The following TTC28 variants were observed in gnomAD, a reference collection of about 807,000 sequenced individuals.
The protein encoded by TTC28 is tetratricopeptide repeat protein 28.
In TTC28, 61 loss-of-function variants were observed where a neutral mutation model predicts 198.0. That is an observed-to-expected ratio of 0.31 (90% CI 0.25 to 0.38). The LOEUF (loss-of-function observed/expected upper bound fraction) is 0.38, where lower values mean the gene tolerates loss of function less well. Among genes scored for constraint, TTC28 ranks in the 10% least tolerant of loss-of-function variants. The probability of loss-of-function intolerance (pLI) is 1.00; values close to 1 mark genes in which losing one functional copy is unlikely to be tolerated. For synonymous variants in TTC28, 1,171 were observed against 1,297.8 expected, an observed-to-expected ratio of 0.90 and a Z score of 2.10; for missense variants, 2,678 against 3,164.0, an observed-to-expected ratio of 0.85 and a Z score of 3.69.
intron 12 of TTC28, among the ~76,000 whole-genome samples, chr22:28,089,215 G>A (rs980258445): frequency 7.2e-5 from 11 of 152,048 alleles, no homozygotes; most frequent in Non-Finnish European, 1.2e-4. Context: ...ACATGCACAC[G>A]TATGTTTACT....
chr22:28,486,138 G>C (rs1332458200), intron 2 of TTC28, among the ~76,000 whole-genome samples: 5 of 151,988 alleles, frequency 3.3e-5, no homozygotes, highest in Non-Finnish European at 5.9e-5. Flanking sequence ...CTTCCTGTGG[G>C]ATATTGTACA....
intron 1 of TTC28, among the ~76,000 whole-genome samples, chr22:28,634,871 T>C (rs1455461673): frequency 4.0e-5 from 6 of 151,528 alleles, no homozygotes; most frequent in Admixed American, 3.9e-4. Context: ...AGGCATGAGC[T>C]GCCACACCCG....
At chr22:28,065,478 G>C (rs1940714791) in intron 12 of TTC28, among the ~76,000 whole-genome samples, 1 of 152,124 alleles carries the variant, frequency 6.6e-6, no homozygotes, top group Non-Finnish European at 1.5e-5. Flanking sequence ...GGGCCAACAA[G>C]AGTTAGGCAT....
intron 1 of TTC28, among the ~76,000 whole-genome samples, chr22:28,663,230 A>G (rs1427438511): frequency 1.3e-5 from 2 of 150,940 alleles, no homozygotes; most frequent in Admixed American, 1.3e-4. Flanking sequence ...CCTGGGAGAC[A>G]GAGCGAAACT....
Position 27,998,906 on chromosome 22 carries a change from C to T in TTC28, c.4753G>A (p.Val1585Met), listed in dbSNP as rs1937600887. 4 of 1,550,534 alleles carry T rather than the reference C, an allele frequency of 2.6e-6. No homozygotes were observed. The highest frequency in any genetic ancestry group is 2.4e-5 in the East Asian group (1 of 40,926). Residue 1585 changes from valine (V) to methionine (M), a missense_variant, in exon 16 of 23, where the codon GTG becomes ATG. Physicochemically the swap from Val to Met is conservative, Grantham distance 21. Around this residue, in one of 8 missense-constraint regions of TTC28, gnomAD observed 727 missense variants for 861.9 expected, o/e 0.84. Transcript: ENST00000397906. ...HPYTIPESLR[V>M]QDDASDGESI... ...TCCCCATCACTGGCATCGTCCTGCA[C>T]CCGCAAGGACTCAGGGATCGTGTAG...
At chr22:28,440,039 C>A (rs2047593416) in intron 2 of TTC28, among the ~76,000 whole-genome samples, 1 of 152,188 alleles carries the variant, frequency 6.6e-6, no homozygotes, top group African/African-American at 2.4e-5. Flanking sequence ...TTTCACCATG[C>A]TGGCCAGGCC....
chr22:28,460,683 A>G (rs369647162), intron 2 of TTC28, among the ~76,000 whole-genome samples: 4 of 148,268 alleles, frequency 2.7e-5, no homozygotes, highest in East Asian at 3.9e-4. Context: ...AGACAGATAG[A>G]TAGGCAGGCA....
At chr22:28,181,134 G>A (rs945239106) in intron 5 of TTC28, among the ~76,000 whole-genome samples, 3 of 152,186 alleles carry the variant, frequency 2.0e-5, no homozygotes, top group Admixed American at 6.5e-5. Flanking sequence ...GACCAGAGGA[G>A]CTTTCATAAT....
intron 5 of TTC28, among the ~76,000 whole-genome samples, chr22:28,245,444 T>G (rs992199808): frequency 2.0e-5 from 3 of 152,122 alleles, no homozygotes; most frequent in African/African-American, 7.2e-5. Context: ...ATATTAATGA[T>G]TTTCCCAGTT....
At chr22:28,505,256 CAAAA>C (rs35503278) in intron 2 of TTC28, among the ~76,000 whole-genome samples, 2 of 75,390 alleles carry the variant, frequency 2.7e-5, no homozygotes, top group African/African-American at 5.1e-5. Context: ...GACTCCGTCT[CAAAA>C]AAAAAAAAAA....
chr22:28,458,633 G>A (rs936582851), intron 2 of TTC28, among the ~76,000 whole-genome samples: 15 of 152,134 alleles, frequency 9.9e-5, no homozygotes, highest in Non-Finnish European at 1.5e-5. Flanking sequence ...TGTAATCCCA[G>A]CACTTTGGGA....
intron 2 of TTC28, among the ~76,000 whole-genome samples, chr22:28,335,869 T>C (rs1427386538): frequency 2.6e-5 from 4 of 152,182 alleles, no homozygotes; most frequent in East Asian, 1.9e-4. Context: ...GAACTTCCAA[T>C]ACTATGTTGA....
chr22:28,443,927 T>C (rs2047663042), intron 2 of TTC28, among the ~76,000 whole-genome samples: 1 of 152,192 alleles, frequency 6.6e-6, no homozygotes. Flanking sequence ...AATCTTAATT[T>C]CTGATTTGAA....
rs559861994 is a variant in TTC28 at position 28,651,872 on chromosome 22, T to C, written c.103-22042A>G. Reference sequence around the variant, plus strand: ...TGTTTGTTTTGAAATGGAGTTTCACTCTTGTTGCCCAGACTGGAGTGCAAC... The same window carrying C: ...TGTTTGTTTTGAAATGGAGTTTCACCCTTGTTGCCCAGACTGGAGTGCAAC... On this transcript the variant is annotated intron_variant, in intron 1 of 22. Coordinates refer to ENST00000397906, the MANE Select transcript of TTC28 (RefSeq NM_001145418.2). Among the ~76,000 whole-genome samples, 7 of 152,194 alleles carry C rather than the reference T, an allele frequency of 4.6e-5. No homozygotes were observed. The East Asian group carries it at 1.4e-3, about 30-fold the overall frequency.
chr22:28,534,253 G>A (rs923306939), intron 2 of TTC28, among the ~76,000 whole-genome samples: 17 of 152,032 alleles, frequency 1.1e-4, no homozygotes, highest in Non-Finnish European at 2.2e-4. Flanking sequence ...GTGGGTGAAG[G>A]ATATGAACAG....
intron 6 of TTC28, among the ~76,000 whole-genome samples, chr22:28,155,415 T>C (rs1033524729): frequency 5.3e-5 from 8 of 152,236 alleles, no homozygotes; most frequent in African/African-American, 1.9e-4. Flanking sequence ...TAGTTCATAG[T>C]TCCAATGAAC....
intron 5 of TTC28, among the ~76,000 whole-genome samples, chr22:28,249,762 AG>A (rs1389291253): frequency 2.6e-5 from 4 of 152,238 alleles, no homozygotes; most frequent in African/African-American, 9.6e-5. Context: ...CATATTGTCC[AG>A]CAAAATGAGA....
At chr22:28,098,802 G>T in intron 10 of TTC28, 113 bp downstream of exon 10, 1 of 1,347,096 alleles carries the variant, frequency 7.4e-7, no homozygotes, top group Non-Finnish European at 1.0e-6. Flanking sequence ...ACAGTCTGTT[G>T]TCACAACAAA....
At chr22:28,163,048 C>A in intron 6 of TTC28, 44 bp downstream of exon 6, 1 of 1,494,398 alleles carries the variant, frequency 6.7e-7, no homozygotes, top group Non-Finnish European at 8.9e-7. Flanking sequence ...CTATTTCCAG[C>A]TCATGACTTT....
Sources: allele counts gnomAD v4.1 joint callset (sites outside exome capture counted in the v4.1 genomes callset), GRCh38; gene constraint gnomAD v4.1.1; regional missense constraint gnomAD v4.1.1; transcripts MANE v1.5; gene names NCBI Gene and HGNC (gene_info 2026-07-23, HGNC 2026-07-21).